Variants in ZNF654 observed in about 807,000 individuals in gnomAD.
ZNF654 encodes the protein melanoma-associated antigen.
Under a neutral mutation model 95.3 loss-of-function variants are expected in ZNF654, and 19 were observed. That is an observed-to-expected ratio of 0.20 (90% confidence interval 0.14 to 0.29). The LOEUF (loss-of-function observed/expected upper bound fraction) is 0.29, where lower values mean the gene tolerates loss of function less well. Among genes scored for constraint, ZNF654 ranks in the 10% least tolerant of loss-of-function variants. The pLI is 1.00. For missense variants in ZNF654, 1,046 were observed against 1,341.0 expected (o/e 0.78, Z 3.44); for synonymous variants, 413 against 457.9 (o/e 0.90, Z 1.25).
chr3:88,138,649 G>A, intron 7 of ZNF654, 56 bp from the exon 8 acceptor site: 1 of 1,078,534 alleles, frequency 9.3e-7, no homozygotes, highest in Non-Finnish European at 1.2e-6. Context: ...AGATAGACTA[G>A]TATAACCATT....
intron 2 of ZNF654, among the ~76,000 whole-genome samples, chr3:88,108,686 A>T (rs1704895975): frequency 6.6e-6 from 1 of 152,178 alleles, no homozygotes; most frequent in Non-Finnish European, 1.5e-5. Flanking sequence ...AACTATCATG[A>T]GTATCACAGT....
intron 2 of ZNF654, among the ~76,000 whole-genome samples, chr3:88,102,393 C>CT (rs1272200425): frequency 6.6e-6 from 1 of 152,062 alleles, no homozygotes; most frequent in Non-Finnish European, 1.5e-5. Flanking sequence ...ATTGCTGTAC[C>CT]TTTATTTTCC....
At chr3:88,082,441 A>G (rs1708127689) in intron 1 of ZNF654, among the ~76,000 whole-genome samples, 1 of 152,190 alleles carries the variant, frequency 6.6e-6, no homozygotes, top group African/African-American at 2.4e-5. Flanking sequence ...TCAGTTTTTA[A>G]AAGTGGCTGG....
At chr3:88,071,470 C>G (rs1261286474) in intron 1 of ZNF654, among the ~76,000 whole-genome samples, 2 of 152,144 alleles carry the variant, frequency 1.3e-5, no homozygotes, top group East Asian at 3.9e-4. Flanking sequence ...CGGTGAAACC[C>G]CATCTCTACT....
intron 2 of ZNF654, among the ~76,000 whole-genome samples, chr3:88,106,073 T>A (rs1704718643): frequency 6.6e-6 from 1 of 152,212 alleles, no homozygotes; most frequent in South Asian, 2.1e-4. Flanking sequence ...ACACCAAACC[T>A]GTTGGCGCTC....
chr3:88,124,455 A>G (rs1316789651), intron 3 of ZNF654, among the ~76,000 whole-genome samples: 1 of 152,210 alleles, frequency 6.6e-6, no homozygotes, highest in Non-Finnish European at 1.5e-5. Flanking sequence ...GGTTTCTTCT[A>G]CTACTTTCTT....
chr3:88,134,926 T>G, intron 6 of ZNF654, 135 bp from the exon 7 acceptor site: 1 of 499,618 alleles, frequency 2.0e-6, no homozygotes, highest in South Asian at 7.1e-5. Context: ...GAAGAAGTAG[T>G]TTGGGGGTGA....
chr3:88,072,340 A>G (rs1707561471), intron 1 of ZNF654, among the ~76,000 whole-genome samples: 1 of 152,184 alleles, frequency 6.6e-6, no homozygotes, highest in Non-Finnish European at 1.5e-5. Flanking sequence ...TTTTAAAGGT[A>G]TGAGTGAGGC....
chr3:88,124,112 T>G (rs1705941349), intron 3 of ZNF654, among the ~76,000 whole-genome samples: 1 of 152,220 alleles, frequency 6.6e-6, no homozygotes, highest in South Asian at 2.1e-4. Flanking sequence ...AATAAGATAT[T>G]TATTCGAACT....
At chr3:88,103,100 A>G (rs1704529235) in intron 2 of ZNF654, among the ~76,000 whole-genome samples, 1 of 152,132 alleles carries the variant, frequency 6.6e-6, no homozygotes, top group Non-Finnish European at 1.5e-5. Flanking sequence ...TTCATGCGTT[A>G]ATTCACTTAG....
At chr3:88,108,772 A>G (rs1704901456) in intron 2 of ZNF654, among the ~76,000 whole-genome samples, 1 of 152,110 alleles carries the variant, frequency 6.6e-6, no homozygotes, top group South Asian at 2.1e-4. Flanking sequence ...TAATTCATAT[A>G]TGCCAAAGAA....
At position 88,139,950 on chromosome 3, in the gene ZNF654, G is replaced by T. The variant is rs778253782; in HGVS notation, c.2281G>T (p.Gly761Trp). 1.9e-6 allele frequency: 3 copies of T among 1,613,346 alleles called. No homozygotes were observed. Among genetic ancestry groups the T allele is most frequent in the Non-Finnish European group, 2.5e-6 (3 of 1,179,782 alleles). ...LGCVRIFKRI[G>W]FLNKHAMTVH... is the part of the protein sequence containing the mutation. ...TTGTGTCCGGATATTTAAAAGAATT[G>T]GGTTTCTAAATAAACATGCAATGAC... is the stretch of plus-strand genomic sequence containing the variant. The change falls in exon 8 of 9, where the codon GGG becomes TGG. Residue 761 changes from glycine to tryptophan, a missense_variant. Physicochemically the swap from Gly to Trp is radical, Grantham distance 184 (BLOSUM62 -2). Coordinates refer to ENST00000636215, the MANE Select transcript of ZNF654 (RefSeq NM_001350134.2).
chr3:88,073,915 T>C (rs1417792916), intron 1 of ZNF654, among the ~76,000 whole-genome samples: 1 of 152,210 alleles, frequency 6.6e-6, no homozygotes, highest in African/African-American at 2.4e-5. Flanking sequence ...TAGTAATGTC[T>C]CAGTACTTAA....
In ZNF654 at chr3:88,143,744, G is replaced by A. The variant is rs1707233739; in HGVS notation, c.*2092G>A. 1 of 151,960 alleles carries A rather than the reference G, an allele frequency of 6.6e-6. No homozygotes were observed. Among genetic ancestry groups the A allele is most frequent in the Non-Finnish European group, 1.5e-5 (1 of 67,724 alleles). The allele number at this position is 151,960 out of a possible 1,614,324, so 9.4% of individuals were successfully genotyped here. A position where few individuals can be genotyped will look rare whatever the true frequency, so the allele number is the denominator to read the frequency against. The stretch of plus-strand genomic sequence containing the variant: ...CTTTTGTGTTGCTAAAATTATTTCT[G>A]CAAGACTGAGATCAAACTGGTTTAT... On this transcript the variant is annotated 3_prime_UTR_variant, in exon 9 of 9. Coordinates refer to ENST00000636215, the MANE Select transcript of ZNF654 (RefSeq NM_001350134.2).
Position 88,139,302 on chromosome 3 carries a change from C to T in ZNF654, c.1633C>T (p.His545Tyr). The T allele has an allele frequency of 6.3e-7, 1 of 1,582,948 alleles. No homozygotes were observed. The highest frequency in any genetic ancestry group is 1.2e-5 in the South Asian group (1 of 84,612). ...TSKVDHNVPR[H>Y]RCMLCNKEFL... ...CAAAGTAGATCACAATGTCCCAAGG[C>T]ATCGTTGTATGTTATGTAACAAGGA... The change falls in exon 8 of 9, where the codon CAT (histidine) becomes TAT (tyrosine). Residue 545 changes from histidine (H) to tyrosine (Y), a missense_variant. His to Tyr is a moderately conservative substitution (Grantham distance 83). Around this residue, in one of 9 missense-constraint regions of ZNF654, gnomAD observed 100 missense variants for 108.9 expected, o/e 0.92. Transcript: ENST00000636215.
At chr3:88,112,993 A>T in intron 2 of ZNF654, 122 bp from the exon 3 acceptor site, 1 of 655,010 alleles carries the variant, frequency 1.5e-6, no homozygotes, top group Non-Finnish European at 2.5e-6. Flanking sequence ...GTTCAGTACA[A>T]TTTTTTAAAC....
chr3:88,116,559 TATAC>T (rs1214778904), intron 3 of ZNF654, among the ~76,000 whole-genome samples: 2 of 146,558 alleles, frequency 1.4e-5, no homozygotes, highest in East Asian at 4.0e-4. Flanking sequence ...CATACATATA[TATAC>T]ACACACACAC....
rs945994999 is a variant in ZNF654 at position 88,140,627 on chromosome 3, A to G, written c.2958A>G (p.Thr986=). Reference sequence around the variant, plus strand: ...ATGGACACAGTGAAATAGAGCAAACACCTTTAGTTTCATCAGATCCTGCTT... The same window carrying G: ...ATGGACACAGTGAAATAGAGCAAACGCCTTTAGTTTCATCAGATCCTGCTT... ...IVNGHSEIEQ[T]PLVSSDPALK... is the part of the protein sequence containing the mutation. Residue 986 remains threonine, a synonymous_variant, in exon 8 of 9, where the codon ACA becomes ACG. Transcript: ENST00000636215. The G allele has an allele frequency of 2.5e-6, 4 of 1,613,606 alleles. No homozygotes were observed. In the African/African-American group the frequency reaches 5.3e-5, roughly 22 times the overall value.
chr3:88,101,715 ATTAGT>A (rs1285123035), intron 2 of ZNF654, among the ~76,000 whole-genome samples: 3 of 152,060 alleles, frequency 2.0e-5, no homozygotes, highest in Non-Finnish European at 4.4e-5. Flanking sequence ...TAGATGTATG[ATTAGT>A]TTATGTTTAG....
Sources: gnomAD v4.1 joint callset for allele counts (sites outside exome capture counted in the v4.1 genomes callset) on GRCh38, gnomAD v4.1.1 for gene constraint, gnomAD v4.1.1 regional missense constraint, MANE v1.5 for transcripts, NCBI Gene and HGNC (gene_info 2026-07-23, HGNC 2026-07-21) for gene names.